CCDC39: variants seen among roughly 807,000 people sequenced by gnomAD.
CCDC39 encodes the protein coiled-coil domain-containing protein 39.
Under a neutral mutation model 121.0 loss-of-function variants are expected in CCDC39, and 113 were observed. That is an observed-to-expected ratio of 0.93 (90% confidence interval 0.80 to 1.09). The LOEUF (loss-of-function observed/expected upper bound fraction) is 1.09. CCDC39 is among the 50% of genes least tolerant of loss of function. The pLI, the probability that CCDC39 is intolerant of heterozygous loss-of-function variation, is 0.00. For synonymous variants in CCDC39, 349 were observed against 352.2 expected, an observed-to-expected ratio of 0.99 and a Z score of 0.10; for missense variants, 1,063 against 1,074.7, an observed-to-expected ratio of 0.99 and a Z score of 0.15.
At chr3:180,678,543 TG>T (rs1009699054) in intron 1 of CCDC39, among the ~76,000 whole-genome samples, 4 of 151,740 alleles carry the variant, frequency 2.6e-5, no homozygotes, top group Non-Finnish European at 4.4e-5. Context: ...GAGGGGTTTG[TG>T]GGGGGTCTCG....
chr3:180,666,121 C>T (rs1348898655), intron 1 of CCDC39, among the ~76,000 whole-genome samples: 1 of 152,122 alleles, frequency 6.6e-6, no homozygotes, highest in African/African-American at 2.4e-5. Context: ...ACTGACTCCC[C>T]ATTCCCTGCT....
chr3:180,669,915 T>C (rs1385725087), intron 1 of CCDC39, among the ~76,000 whole-genome samples: 1 of 152,172 alleles, frequency 6.6e-6, no homozygotes, highest in African/African-American at 2.4e-5. Flanking sequence ...AAATAAAGTC[T>C]TTATAAAGGG....
chr3:180,619,708 C>A, intron 15 of CCDC39, 103 bp downstream of exon 15: 1 of 712,810 alleles, frequency 1.4e-6, no homozygotes, highest in Non-Finnish European at 2.2e-6. Context: ...CTGACCCAAT[C>A]TAACATAGTT....
chr3:180,631,948 C>T (rs1304613523), intron 13 of CCDC39, among the ~76,000 whole-genome samples: 1 of 152,142 alleles, frequency 6.6e-6, no homozygotes, highest in African/African-American at 2.4e-5. Flanking sequence ...AGACAACGGA[C>T]TTTATTTCTC....
rs1352274836 is a variant in CCDC39 at position 180,654,853 on chromosome 3, T to C, written c.839A>G (p.Glu280Gly). The stretch of plus-strand genomic sequence containing the variant: ...ACGATCAGCCACAGAAATTCTTTTC[T>C]CAAACTCTGTGTTATTCCCAATCTC... ...ESEIGNNTEF[E>G]KRISVADRKL... Residue 280 changes from glutamate (E) to glycine (G), a missense_variant, in exon 7 of 20, where the codon GAG becomes GGG. By Grantham distance (98) the Glu-to-Gly change is moderately conservative. Transcript: ENST00000476379. 5 of 1,609,428 alleles carry C rather than the reference T, an allele frequency of 3.1e-6. No homozygotes were observed. The East Asian group carries it at 1.1e-4, about 36-fold the overall frequency.
intron 13 of CCDC39, among the ~76,000 whole-genome samples, chr3:180,634,327 C>T (rs1432911214): frequency 6.6e-6 from 1 of 152,176 alleles, no homozygotes; most frequent in Non-Finnish European, 1.5e-5. Context: ...GTATTTGCAA[C>T]AAGCTGCAAT....
At chr3:180,677,173 T>TATATATAC (rs1408092593) in intron 1 of CCDC39, among the ~76,000 whole-genome samples, 5 of 36,328 alleles carry the variant, frequency 1.4e-4, no homozygotes, top group Admixed American at 2.5e-4. Context: ...TAATTTTATA[T>TATATATAC]ATATATATAT....
At chr3:180,675,930 C>A (rs1229895152) in intron 1 of CCDC39, among the ~76,000 whole-genome samples, 2 of 152,094 alleles carry the variant, frequency 1.3e-5, no homozygotes, top group African/African-American at 4.8e-5. Flanking sequence ...CTGGGAAAAC[C>A]TGCTAGCCAT....
chr3:180,624,682 G>C (rs760971765), intron 14 of CCDC39, among the ~76,000 whole-genome samples: 2 of 152,246 alleles, frequency 1.3e-5, no homozygotes, highest in Middle Eastern at 3.4e-3. Context: ...GACCAGTCTA[G>C]TGGTGAAGAA....
In CCDC39 at chr3:180,648,344, G is replaced by A. The variant is rs1222205720; in HGVS notation, c.1183C>T (p.Leu395=). Reference sequence around the variant, plus strand: ...AACAGCACACCTTTTATGAGGTTCAGTTGAACATCTACTTCCTGATAATGA... The same window carrying A: ...AACAGCACACCTTTTATGAGGTTCAATTGAACATCTACTTCCTGATAATGA... The part of the protein sequence containing the change: ...EKDVKEVDVQ[L]NLIKGVLFKK... The change falls in exon 10 of 20, where the codon CTG becomes TTG. Residue 395 remains leucine (L), a synonymous_variant. Coordinates refer to ENST00000476379, the MANE Select transcript of CCDC39 (RefSeq NM_181426.2). 3 of 1,563,584 alleles carry A rather than the reference G, an allele frequency of 1.9e-6. No individual in the cohort carries two copies. The Admixed American group carries it at 5.8e-5, about 30-fold the overall frequency.
intron 6 of CCDC39, 125 bp from the exon 7 acceptor site, chr3:180,655,078 T>A: frequency 3.7e-6 from 2 of 539,566 alleles, no homozygotes; most frequent in Non-Finnish European, 6.0e-6. Flanking sequence ...TTAGAAGACA[T>A]TTTTAAATAC....
intron 13 of CCDC39, among the ~76,000 whole-genome samples, chr3:180,632,265 G>C (rs1279475198): frequency 6.6e-6 from 1 of 152,074 alleles, no homozygotes; most frequent in African/African-American, 2.4e-5. Context: ...TAAATCTGTT[G>C]GTTACTTTCT....
Position 180,652,249 on chromosome 3 carries a change from G to A in CCDC39, c.948C>T (p.Ala316=). 6.6e-7 allele frequency: 1 copy of A among 1,521,088 alleles called. No homozygotes were observed. Among genetic ancestry groups the A allele is most frequent in the Non-Finnish European group, 8.8e-7 (1 of 1,132,806 alleles). 94.2% of individuals were successfully genotyped at this position (1,521,088 alleles called of 1,614,324 possible). ...AATCACTGGAAGTTCTATTCACAGTGGCTTTTAAAGAATCCAGCTATTTAT... is the reference window on the plus strand; with the variant it reads ...AATCACTGGAAGTTCTATTCACAGTAGCTTTTAAAGAATCCAGCTATTTAT... The part of the protein sequence containing the change: ...QLKGELDSLK[A]TVNRTSSDLE... Residue 316 remains alanine (A), a synonymous_variant, in exon 8 of 20, where the codon GCC becomes GCT. Coordinates refer to ENST00000476379, the MANE Select transcript of CCDC39 (RefSeq NM_181426.2).
intron 14 of CCDC39, among the ~76,000 whole-genome samples, chr3:180,623,196 T>C (rs1358612644): frequency 2.0e-5 from 3 of 151,480 alleles, no homozygotes; most frequent in South Asian, 2.1e-4. Context: ...GGGTGTATTA[T>C]ATGTTTCCAG....
chr3:180,619,445 C>A, intron 15 of CCDC39, 80 bp from the exon 16 acceptor site: 2 of 744,786 alleles, frequency 2.7e-6, no homozygotes, highest in South Asian at 1.7e-5. Flanking sequence ...TAAATTGCAC[C>A]AATATTTTTG....
rs1037105077 is a variant in CCDC39 at position 180,671,704 on chromosome 3, G to T, written c.90+7587C>A. ...GCCTCCTGAGTAGCTGGGATTACAGGCATGCACCACCATTCCTGTAAGCCA... is the reference window on the plus strand; with the variant it reads ...GCCTCCTGAGTAGCTGGGATTACAGTCATGCACCACCATTCCTGTAAGCCA... On this transcript the variant is annotated intron_variant, in intron 1 of 19. Transcript: ENST00000476379. Among the ~76,000 whole-genome samples, 26 of 152,096 alleles carry T rather than the reference G, an allele frequency of 1.7e-4. 1 individual carries two copies. Among genetic ancestry groups the T allele is most frequent in the African/African-American group, 5.6e-4 (23 of 41,420 alleles).
chr3:180,675,597 T>A (rs1330358145), intron 1 of CCDC39, among the ~76,000 whole-genome samples: 1 of 152,220 alleles, frequency 6.6e-6, no homozygotes, highest in Non-Finnish European at 1.5e-5. Context: ...AGATCTTTCC[T>A]GCTTTCTCTT....
chr3:180,647,350 A>G (rs1718097919), intron 10 of CCDC39, 107 bp from the exon 11 acceptor site: 1 of 946,522 alleles, frequency 1.1e-6, no homozygotes, highest in Non-Finnish European at 1.5e-6. Flanking sequence ...AGGCATTATC[A>G]TGTAATAAAG....
rs762202081 is a variant in CCDC39 at position 180,619,603 on chromosome 3, A to T, written c.2158+208T>A. Reference sequence around the variant, plus strand: ...AATTACCCTAGAGAGGTGATATGCCATACAGATCCTGAACTAATAATGGAA... The same window carrying T: ...AATTACCCTAGAGAGGTGATATGCCTTACAGATCCTGAACTAATAATGGAA... On this transcript the variant is annotated intron_variant, in intron 15 of 19. Coordinates refer to ENST00000476379, the MANE Select transcript of CCDC39 (RefSeq NM_181426.2). Among the ~76,000 whole-genome samples, 6 of 151,656 alleles carry T rather than the reference A, an allele frequency of 4.0e-5. No homozygotes were observed. In the South Asian group the frequency reaches 6.3e-4, roughly 16 times the overall value.
Sources: gnomAD v4.1 joint callset for allele counts (sites outside exome capture counted in the v4.1 genomes callset) on GRCh38, gnomAD v4.1.1 for gene constraint, MANE v1.5 for transcripts, NCBI Gene and HGNC (gene_info 2026-07-23, HGNC 2026-07-21) for gene names.